Variants in ZNF831 observed in about 807,000 individuals in gnomAD.
ZNF831 encodes zinc finger protein 831.
A neutral mutation model predicts 95.8 loss-of-function variants in ZNF831; 59 were observed. The observed-to-expected ratio is 0.62, with a 90% CI of 0.50 to 0.77. The LOEUF is 0.77. Ranked by LOEUF, ZNF831 falls within the 30% of genes least tolerant of loss-of-function variation. ZNF831 has a pLI of 0.00. For synonymous variants in ZNF831, 961 were observed against 925.5 expected (o/e 1.04, Z -0.70); for missense variants, 2,205 against 2,164.0 (o/e 1.02, Z -0.38).
Position 59,194,014 on chromosome 20 carries a change from G to T in ZNF831, c.2995G>T (p.Gly999Cys), listed in dbSNP as rs367871458. The change falls in exon 2 of 6, where the codon GGT (glycine) becomes TGT (cysteine). Residue 999 changes from glycine to cysteine, a missense_variant. Gly to Cys is a radical substitution (Grantham distance 159). Transcript: ENST00000371030. ...SPSPASGPSP[G>C]EADSILEDPS... ...CAGCCCAGCCTCAGGCCCCTCCCCA[G>T]GTGAGGCGGACAGCATCCTGGAGGA... 21 of 1,528,472 alleles carry T rather than the reference G, an allele frequency of 1.4e-5. No homozygotes were observed. Among genetic ancestry groups the T allele is most frequent in the Non-Finnish European group, 1.7e-5 (19 of 1,140,198 alleles). 94.7% of individuals were successfully genotyped at this position (1,528,472 alleles called of 1,614,324 possible).
chr20:59,159,444 G>A (rs956862375), upstream of ZNF831, among the ~76,000 whole-genome samples: 2 of 152,154 alleles, frequency 1.3e-5, no homozygotes, highest in East Asian at 3.9e-4. Context: ...GATGCATCAT[G>A]CCTTAAATAA....
intron 1 of ZNF831, among the ~76,000 whole-genome samples, chr20:59,173,585 G>A (rs917187036): frequency 6.6e-6 from 1 of 152,202 alleles, no homozygotes; most frequent in Non-Finnish European, 1.5e-5. Flanking sequence ...GCACTTTGCC[G>A]CAATTGACCA....
intron 4 of ZNF831, among the ~76,000 whole-genome samples, chr20:59,222,438 G>A (rs1406246715): frequency 6.6e-6 from 1 of 152,000 alleles, no homozygotes; most frequent in Non-Finnish European, 1.5e-5. Flanking sequence ...CCCCGCCGGC[G>A]CCAAGCCTCA....
chr20:59,192,111 C>T lies in ZNF831; in HGVS notation c.1092C>T (p.His364=), dbSNP rs1366925698. 6.3e-7 allele frequency: 1 copy of T among 1,586,384 alleles called. No individual in the cohort carries two copies. Among genetic ancestry groups the T allele is most frequent in the Non-Finnish European group, 8.5e-7 (1 of 1,171,164 alleles). The change falls in exon 2 of 6, where the codon CAC becomes CAT. Residue 364 remains histidine (H), a synonymous_variant. Coordinates refer to ENST00000371030, the MANE Select transcript of ZNF831 (RefSeq NM_178457.3). This position sits in a 1 kb window ranked among gnomAD's most constrained non-coding sequence, Gnocchi z 5.2. The part of the protein sequence containing the change: ...EQPHAPCSPL[H]SLSEHSAESE... The stretch of plus-strand genomic sequence containing the variant: ...CGCATGCGCCCTGCAGCCCCCTGCA[C>T]AGCCTTTCGGAGCACAGCGCCGAGT...
At chr20:59,234,891 T>C (rs1229442677) in intron 4 of ZNF831, among the ~76,000 whole-genome samples, 1 of 152,330 alleles carries the variant, frequency 6.6e-6, no homozygotes, top group East Asian at 1.9e-4. Flanking sequence ...GTATGGCACA[T>C]TTTTTACAAT....
chr20:59,153,600 C>T (rs1413540315), intron 2 of ZNF831, among the ~76,000 whole-genome samples: 2 of 152,220 alleles, frequency 1.3e-5, no homozygotes, highest in Non-Finnish European at 2.9e-5. Flanking sequence ...TCCGGGGGCT[C>T]ACCAGCACAC....
intron 2 of ZNF831, among the ~76,000 whole-genome samples, chr20:59,154,489 C>G (rs78290468): frequency 0.02 from 3,082 of 152,296 alleles, 102 homozygotes; most frequent in African/African-American, 0.07. Context: ...CCACTTTCCT[C>G]CCATCCTGCA....
At chr20:59,224,022 G>T (rs1345935685) in intron 4 of ZNF831, among the ~76,000 whole-genome samples, 3 of 152,244 alleles carry the variant, frequency 2.0e-5, no homozygotes, top group Admixed American at 2.0e-4. Flanking sequence ...GGTGTGGCCA[G>T]CGCTCTTTTG....
chr20:59,234,095 A>T (rs73618658), intron 4 of ZNF831, among the ~76,000 whole-genome samples: 16,449 of 152,164 alleles, frequency 0.11, 1,111 homozygotes, highest in East Asian at 0.32. Flanking sequence ...TAGCCACAGA[A>T]CGTAGAGGGG....
At chr20:59,235,584 T>A (rs1391723210) in intron 4 of ZNF831, among the ~76,000 whole-genome samples, 2 of 152,176 alleles carry the variant, frequency 1.3e-5, no homozygotes, top group African/African-American at 2.4e-5. Context: ...ATAAATTACT[T>A]TTATTTTCAT....
At position 59,254,122 on chromosome 20, in the gene ZNF831, G is replaced by T. The variant is rs1279837468; in HGVS notation, c.4413G>T (p.Arg1471Ser). The change falls in exon 6 of 6, where the codon AGG becomes AGT. Residue 1471 changes from arginine (R) to serine (S), a missense_variant. Transcript: ENST00000371030. This position sits in a 1 kb window ranked among gnomAD's most constrained non-coding sequence, Gnocchi z 4.5. Reference protein sequence around the residue: ...PKPYIFSDAQRPSSFGSKGTF... With the variant: ...PKPYIFSDAQSPSSFGSKGTF... Reference sequence around the variant, plus strand: ...CATACATCTTCTCAGATGCTCAAAGGCCTTCTTCCTTTGGGTCCAAAGGAA... The same window carrying T: ...CATACATCTTCTCAGATGCTCAAAGTCCTTCTTCCTTTGGGTCCAAAGGAA... The T allele has an allele frequency of 6.2e-7, 1 of 1,614,020 alleles. No individual in the cohort carries two copies. Among genetic ancestry groups the T allele is most frequent in the South Asian group, 1.1e-5 (1 of 91,064 alleles).
intron 4 of ZNF831, among the ~76,000 whole-genome samples, chr20:59,221,325 G>T (rs915993666): frequency 6.6e-6 from 1 of 152,170 alleles, no homozygotes; most frequent in Non-Finnish European, 1.5e-5. Flanking sequence ...TTCCTGCCGG[G>T]GTGAGACTTG....
At chr20:59,174,208 C>T (rs764878130) in intron 1 of ZNF831, among the ~76,000 whole-genome samples, 5 of 152,112 alleles carry the variant, frequency 3.3e-5, no homozygotes, top group Non-Finnish European at 4.4e-5. Context: ...CTCCTGGCCA[C>T]GGGAGGCTAG....
At chr20:59,152,819 C>T (rs551974733) in intron 2 of ZNF831, among the ~76,000 whole-genome samples, 63 of 152,188 alleles carry the variant, frequency 4.1e-4, no homozygotes, top group Middle Eastern at 3.4e-3. Context: ...CTGCAGGCAA[C>T]CAGAAGTGGG....
chr20:59,156,549 A>C (rs1259355861), intron 2 of ZNF831, among the ~76,000 whole-genome samples: 2 of 152,122 alleles, frequency 1.3e-5, no homozygotes, highest in Non-Finnish European at 2.9e-5. Context: ...TAAATAAATA[A>C]TAGAAAAGAA....
chr20:59,209,066 C>A (rs994858068), intron 4 of ZNF831, among the ~76,000 whole-genome samples: 6 of 152,214 alleles, frequency 3.9e-5, no homozygotes, highest in African/African-American at 1.2e-4. Flanking sequence ...GACAGACAGA[C>A]TGACCCACTG....
At chr20:59,199,320 A>G (rs1258934552) in intron 3 of ZNF831, among the ~76,000 whole-genome samples, 1 of 152,180 alleles carries the variant, frequency 6.6e-6, no homozygotes, top group Non-Finnish European at 1.5e-5. Context: ...TAAATGTTAT[A>G]TAACAATATA....
At chr20:59,130,776 G>T (rs780323221) in intron 1 of ZNF831, among the ~76,000 whole-genome samples, 3 of 152,122 alleles carry the variant, frequency 2.0e-5, no homozygotes, top group Non-Finnish European at 4.4e-5. Flanking sequence ...AATGGTTCTT[G>T]GGTGGGAGGT....
At chr20:59,173,685 T>G (rs890722279) in intron 1 of ZNF831, among the ~76,000 whole-genome samples, 13 of 152,166 alleles carry the variant, frequency 8.5e-5, no homozygotes, top group Non-Finnish European at 2.9e-5. Flanking sequence ...AACACTGTGC[T>G]CACATCCAAA....
Sources: allele counts gnomAD v4.1 joint callset (sites outside exome capture counted in the v4.1 genomes callset), GRCh38; gene constraint gnomAD v4.1.1; non-coding constraint Gnocchi (gnomAD v3.1); transcripts MANE v1.5; gene names NCBI Gene and HGNC (gene_info 2026-07-23, HGNC 2026-07-21).